Variants in PLEKHA6 observed in about 807,000 individuals in gnomAD.
PLEKHA6 encodes pleckstrin homology domain-containing family A member 6.
A neutral mutation model predicts 116.7 loss-of-function variants in PLEKHA6; 60 were observed. The observed-to-expected ratio is 0.51, with a 90% CI of 0.42 to 0.64. The LOEUF (loss-of-function observed/expected upper bound fraction) is 0.64. PLEKHA6 is among the 30% of genes least tolerant of loss of function. PLEKHA6 has a pLI of 0.00. For synonymous variants in PLEKHA6, 489 were observed against 556.1 expected, an observed-to-expected ratio of 0.88 and a Z score of 1.70; for missense variants, 1,338 against 1,422.7, an observed-to-expected ratio of 0.94 and a Z score of 0.96.
chr1:204,281,392 G>A (rs1270459846), intron 1 of PLEKHA6, among the ~76,000 whole-genome samples: 1 of 152,056 alleles, frequency 6.6e-6, no homozygotes, highest in Non-Finnish European at 1.5e-5. Context: ...GGGCCTGGTG[G>A]CGGGCACCTG....
intron 6 of PLEKHA6, among the ~76,000 whole-genome samples, chr1:204,263,557 G>T (rs538710295): frequency 6.6e-6 from 1 of 152,266 alleles, no homozygotes; most frequent in South Asian, 2.1e-4. Context: ...AGCGCAGTGT[G>T]GGGGAAGGAG....
Position 204,244,931 on chromosome 1 carries a change from C to A in PLEKHA6, c.2105G>T (p.Ser702Ile). 1 of 1,508,034 alleles carries A rather than the reference C, an allele frequency of 6.6e-7. No homozygotes were observed. Among genetic ancestry groups the A allele is most frequent in the Non-Finnish European group, 8.9e-7 (1 of 1,123,796 alleles). The allele number at this position is 1,508,034 out of a possible 1,614,324, so 93.4% of individuals were successfully genotyped here. A position where few individuals can be genotyped will look rare whatever the true frequency, so the allele number is the denominator to read the frequency against. Residue 702 changes from serine to isoleucine, a missense_variant, in exon 15 of 23, where the codon AGC becomes ATC. Transcript: ENST00000272203. ...ASPLSSASLT[S>I]PLSPFSLVSG... ...CACCAGTGAAAAGGGGCTCAGGGGGCTGGTGAGGCTGGCAGAGCTGAGGGG... is the reference window on the plus strand; with the variant it reads ...CACCAGTGAAAAGGGGCTCAGGGGGATGGTGAGGCTGGCAGAGCTGAGGGG...
chr1:204,298,332 C>G (rs1670487101), intron 1 of PLEKHA6, among the ~76,000 whole-genome samples: 1 of 152,196 alleles, frequency 6.6e-6, no homozygotes, highest in Non-Finnish European at 1.5e-5. Context: ...AATGAGCTTT[C>G]CAACAGTGAG....
intron 3 of PLEKHA6, among the ~76,000 whole-genome samples, chr1:204,268,751 G>T (rs1035163000): frequency 2.3e-4 from 35 of 151,856 alleles, no homozygotes; most frequent in African/African-American, 7.5e-4. Flanking sequence ...ATAACACAGA[G>T]CCAGGAGGAG....
At chr1:204,316,912 C>A (rs867228071) in intron 1 of PLEKHA6, among the ~76,000 whole-genome samples, 1 of 152,158 alleles carries the variant, frequency 6.6e-6, no homozygotes, top group African/African-American at 2.4e-5. Flanking sequence ...ATGATGAACC[C>A]CAGACAGATA....
At position 204,228,199 on chromosome 1, in the gene PLEKHA6, C is replaced by G. The variant is rs1313549954; in HGVS notation, c.2915G>C (p.Gly972Ala). Reference protein sequence around the residue: ...SMQNVVPIGEGDSVDVPQDSE... With the variant: ...SMQNVVPIGEADSVDVPQDSE... ...GTCCTGGGGCACGTCCACAGAGTCC[C>G]CCTCGCCGATGGGCACCACGTTCTG... The change falls in exon 21 of 23, where the codon GGG becomes GCG. Residue 972 changes from glycine (G) to alanine (A), a missense_variant. Coordinates refer to ENST00000272203, the MANE Select transcript of PLEKHA6 (RefSeq NM_014935.5). This position sits in a 1 kb window ranked among gnomAD's most constrained non-coding sequence, Gnocchi z 4.0. 8.1e-6 allele frequency: 13 copies of G among 1,610,718 alleles called. No individual in the cohort carries two copies. The highest frequency in any genetic ancestry group is 1.1e-5 in the Non-Finnish European group (13 of 1,177,800).
chr1:204,372,763 C>A (rs138962146), intron 1 of PLEKHA6, among the ~76,000 whole-genome samples: 46 of 152,144 alleles, frequency 3.0e-4, no homozygotes, highest in Non-Finnish European at 4.9e-4. Flanking sequence ...CAACCCCAAG[C>A]TCTTTCTATC....
intron 2 of PLEKHA6, chr1:204,369,830 G>A (rs1673740346): frequency 6.6e-6 from 1 of 152,194 alleles, no homozygotes; most frequent in South Asian, 2.1e-4. Flanking sequence ...AACACTGAAG[G>A]TGACACCACC....
chr1:204,268,119 A>C (rs1047859349), intron 4 of PLEKHA6, 89 bp downstream of exon 4: 1 of 794,510 alleles, frequency 1.3e-6, no homozygotes, highest in Non-Finnish European at 2.0e-6. Flanking sequence ...TACCAAAAAA[A>C]TACACAGCCT....
At chr1:204,334,385 T>C (rs932260281) in intron 1 of PLEKHA6, among the ~76,000 whole-genome samples, 2 of 152,208 alleles carry the variant, frequency 1.3e-5, no homozygotes, top group Admixed American at 1.3e-4. Flanking sequence ...ACCTATGACA[T>C]ACATTTGTGC....
rs1403888566 is a variant in PLEKHA6 at position 204,228,197 on chromosome 1, C to A, written c.2917G>T (p.Asp973Tyr). The part of the protein sequence containing the change: ...MQNVVPIGEG[D>Y]SVDVPQDSES... Reference sequence around the variant, plus strand: ...GAGTCCTGGGGCACGTCCACAGAGTCCCCCTCGCCGATGGGCACCACGTTC... The same window carrying A: ...GAGTCCTGGGGCACGTCCACAGAGTACCCCTCGCCGATGGGCACCACGTTC... Residue 973 changes from aspartate to tyrosine, a missense_variant, in exon 21 of 23, where the codon GAC becomes TAC. By Grantham distance (160) the Asp-to-Tyr change is radical (BLOSUM62 -3). This residue lies in a region of PLEKHA6 where 1,136 missense variants were observed against 1,163.6 expected (regional missense o/e 0.98). Transcript: ENST00000272203. This position sits in a 1 kb window ranked among gnomAD's most constrained non-coding sequence, Gnocchi z 4.0. The A allele has an allele frequency of 6.2e-7, 1 of 1,610,764 alleles. No homozygotes were observed. The highest frequency in any genetic ancestry group is 8.5e-7 in the Non-Finnish European group (1 of 1,177,760).
intron 1 of PLEKHA6, chr1:204,275,582 G>T (rs12046171): frequency 2.4e-6 from 1 of 417,002 alleles, no homozygotes; most frequent in Non-Finnish European, 3.2e-6. Context: ...GAGCAGCATC[G>T]TGGAGCCTCC....
intron 18 of PLEKHA6, among the ~76,000 whole-genome samples, chr1:204,230,094 G>A (rs1289421511): frequency 6.6e-6 from 1 of 152,240 alleles, no homozygotes; most frequent in Non-Finnish European, 1.5e-5. Flanking sequence ...CTCCAGAAAT[G>A]GGTGTAAGTG....
chr1:204,354,949 C>G (rs2103375034), intron 1 of PLEKHA6, among the ~76,000 whole-genome samples: 1 of 152,294 alleles, frequency 6.6e-6, no homozygotes, highest in East Asian at 1.9e-4. Flanking sequence ...CCAGAAGAAG[C>G]CCCCAGCAAG....
intron 1 of PLEKHA6, among the ~76,000 whole-genome samples, chr1:204,313,336 C>T (rs967892450): frequency 1.2e-4 from 19 of 152,144 alleles, no homozygotes; most frequent in African/African-American, 4.6e-4. Context: ...CCCCACACAG[C>T]TCATCTTTTC....
At chr1:204,232,217 T>C (rs1183751337) in intron 17 of PLEKHA6, among the ~76,000 whole-genome samples, 2 of 152,188 alleles carry the variant, frequency 1.3e-5, no homozygotes, top group African/African-American at 4.8e-5. Context: ...AAGCAAAGTG[T>C]TGAAGGTGTG....
intron 1 of PLEKHA6, among the ~76,000 whole-genome samples, chr1:204,276,432 C>T (rs1305348871): frequency 2.0e-5 from 3 of 152,168 alleles, no homozygotes; most frequent in South Asian, 2.1e-4. Flanking sequence ...TTTCCCGTTA[C>T]TCTTGTCTGC....
In PLEKHA6 at chr1:204,317,572, C is replaced by T. The variant is rs113951419; in HGVS notation, c.-95+42122G>A. Among the ~76,000 whole-genome samples the T allele has an allele frequency of 9.9e-5, 15 of 152,178 alleles. No individual in the cohort carries two copies. The South Asian group carries it at 1.0e-3, about 11-fold the overall frequency. ...CACCCACCTTTGAACACAAGCCACA[C>T]GGAGGAAGTCTGCCATTTCTTTTTC... On this transcript the variant is annotated intron_variant, in intron 1 of 22. Transcript: ENST00000272203.
At chr1:204,296,881 G>A (rs1334837712) in intron 1 of PLEKHA6, among the ~76,000 whole-genome samples, 1 of 152,200 alleles carries the variant, frequency 6.6e-6, no homozygotes, top group Non-Finnish European at 1.5e-5. Flanking sequence ...TGCAGAGAGC[G>A]TGGACGGAAA....
Sources: allele counts gnomAD v4.1 joint callset (sites outside exome capture counted in the v4.1 genomes callset), GRCh38; gene constraint gnomAD v4.1.1; regional missense constraint gnomAD v4.1.1; non-coding constraint Gnocchi (gnomAD v3.1); transcripts MANE v1.5; gene names NCBI Gene and HGNC (gene_info 2026-07-23, HGNC 2026-07-21).